The following BMP1 variants were observed in gnomAD, a reference collection of about 807,000 sequenced individuals.
BMP1 encodes the protein bone morphogenetic protein 1, also known as mammalian tolloid protein.
Under a neutral mutation model 116.8 loss-of-function variants are expected in BMP1, and 63 were observed. The ratio of observed to expected loss-of-function variants is 0.54; its 90% CI spans 0.44 to 0.67. The LOEUF is 0.67. BMP1 is among the 30% of genes least tolerant of loss of function. BMP1 has a pLI of 0.00. For synonymous variants in BMP1, 536 were observed against 533.4 expected (o/e 1.00, Z -0.07); for missense variants, 1,183 against 1,358.9 (o/e 0.87, Z 2.04).
At chr8:22,188,720 T>C (rs1040108928) in intron 8 of BMP1, among the ~76,000 whole-genome samples, 1 of 152,226 alleles carries the variant, frequency 6.6e-6, no homozygotes, top group Non-Finnish European at 1.5e-5. Context: ...TTCTTCCTCC[T>C]GAGCGATGTG....
rs1355671822 is a variant in BMP1 at position 22,165,773 on chromosome 8, C to G, written c.148+220C>G. 2.0e-5 allele frequency among the ~76,000 whole-genome samples: 3 copies of G among 152,296 alleles called. No homozygotes were observed. The East Asian group carries it at 5.8e-4, about 29-fold the overall frequency. On this transcript the variant is annotated intron_variant, in intron 1 of 19. Transcript: ENST00000306385. ...GGTGGAAGCTGCTGCCGCTGCCTCT[C>G]ATCTTCCCAGAGGATTCCAGAGGAA... is the stretch of plus-strand genomic sequence containing the variant.
intron 16 of BMP1, among the ~76,000 whole-genome samples, chr8:22,204,721 C>T (rs1829321049): frequency 7.0e-6 from 1 of 142,722 alleles, no homozygotes; most frequent in Non-Finnish European, 1.5e-5. Flanking sequence ...AGACCCTGTC[C>T]CCCCCCACCC....
At chr8:22,166,997 T>A (rs1158385638) in intron 1 of BMP1, among the ~76,000 whole-genome samples, 1 of 152,166 alleles carries the variant, frequency 6.6e-6, no homozygotes, top group Non-Finnish European at 1.5e-5. Flanking sequence ...ACCTGTAAAA[T>A]GGAACTGATC....
chr8:22,181,678 G>C (rs1187517800), intron 8 of BMP1, among the ~76,000 whole-genome samples: 2 of 151,994 alleles, frequency 1.3e-5, no homozygotes, highest in Non-Finnish European at 2.9e-5. Context: ...TCAGCCTCTG[G>C]AGTAGCTGGG....
At chr8:22,176,759 C>T in intron 4 of BMP1, 109 bp downstream of exon 4, 1 of 1,251,140 alleles carries the variant, frequency 8.0e-7, no homozygotes, top group Non-Finnish European at 1.2e-6. Context: ...TCCCTTTATC[C>T]CCTCCTGCTA....
At chr8:22,177,284 G>C (rs1828474252) in intron 5 of BMP1, 145 bp downstream of exon 5, 1 of 874,714 alleles carries the variant, frequency 1.1e-6, no homozygotes, top group Non-Finnish European at 1.7e-6. Context: ...GGTTGAGCCA[G>C]CCCCTGCCCT....
rs1157870499 is a variant in BMP1, at chr8:22,176,981, G to A, written c.572G>A (p.Arg191His). 1 of 1,611,532 alleles carries A rather than the reference G, an allele frequency of 6.2e-7. No individual in the cohort carries two copies. The highest frequency in any genetic ancestry group is 1.7e-5 in the Admixed American group (1 of 59,886). Residue 191 changes from arginine to histidine, a missense_variant, in exon 5 of 20, where the codon CGC becomes CAC. By Grantham distance (29) the Arg-to-His change is conservative. Around this residue, in one of 4 missense-constraint regions of BMP1, gnomAD observed 956 missense variants for 1,135.2 expected, o/e 0.84. Transcript: ENST00000306385. ...RPCGCCSYVGRRGGGPQAISI... is the reference protein window; with the variant it reads ...RPCGCCSYVGHRGGGPQAISI... Reference sequence around the variant, plus strand: ...TCCAGGTGCTGCTCCTACGTGGGTCGCCGCGGCGGGGGCCCCCAGGCCATC... The same window carrying A: ...TCCAGGTGCTGCTCCTACGTGGGTCACCGCGGCGGGGGCCCCCAGGCCATC...
chr8:22,176,776 A>G (rs1828449026), intron 4 of BMP1, 126 bp downstream of exon 4: 4 of 1,128,682 alleles, frequency 3.5e-6, no homozygotes, highest in East Asian at 2.4e-5. Context: ...GCTATGGGGC[A>G]TCTACCCAGG....
Position 22,207,310 on chromosome 8 carries a change from T to A in BMP1, c.2369T>A (p.Met790Lys), listed in dbSNP as rs745637021. 6.2e-6 allele frequency: 10 copies of A among 1,611,772 alleles called. No homozygotes were observed. Among genetic ancestry groups the A allele is most frequent in the Non-Finnish European group, 8.5e-6 (10 of 1,177,912 alleles). ...CCTTCCTCATCCCCCTAGACCTTCA[T>A]GGAGATGGACATCGAGTCCCAGCCT... ...TPGHRVKLTF[M>K]EMDIESQPEC... Residue 790 changes from methionine (M) to lysine (K), a missense_variant, in exon 18 of 20, where the codon ATG becomes AAG. Coordinates refer to ENST00000306385, the MANE Select transcript of BMP1 (RefSeq NM_006129.5).
At chr8:22,180,811 C>T (rs1316398192) in intron 8 of BMP1, among the ~76,000 whole-genome samples, 1 of 152,192 alleles carries the variant, frequency 6.6e-6, no homozygotes, top group Non-Finnish European at 1.5e-5. Context: ...CTTTATTTTA[C>T]AGATGAGGAA....
At position 22,194,140 on chromosome 8, in the gene BMP1, T is replaced by C. The variant is rs138090330; in HGVS notation, c.1263T>C (p.Asn421=). The part of the protein sequence containing the change: ...RLWVEFRSSS[N]WVGKGFFAVY... ...GGGTTGAATTCCGCAGCAGCAGCAATTGGGTTGGAAAGGGCTTCTTTGCAG... is the reference window on the plus strand; with the variant it reads ...GGGTTGAATTCCGCAGCAGCAGCAACTGGGTTGGAAAGGGCTTCTTTGCAG... The change falls in exon 10 of 20, where the codon AAT becomes AAC. Residue 421 remains asparagine, a synonymous_variant. Transcript: ENST00000306385. This position sits in a 1 kb window ranked among gnomAD's most constrained non-coding sequence, Gnocchi z 4.5. 75 of 1,613,776 alleles carry C rather than the reference T, an allele frequency of 4.6e-5. No individual in the cohort carries two copies. The highest frequency in any genetic ancestry group is 1.6e-4 in the Middle Eastern group (1 of 6,084).
In BMP1 at chr8:22,211,752, A is replaced by C; in HGVS notation, c.*24A>C. The C allele has an allele frequency of 6.2e-7, 1 of 1,613,974 alleles. No homozygotes were observed. The highest frequency in any genetic ancestry group is 1.3e-5 in the African/African-American group (1 of 75,032). On this transcript the variant is annotated 3_prime_UTR_variant, in exon 20 of 20. Transcript: ENST00000306385. ...GACCACTGCCTGAGCAGGGGCGGGG[A>C]CTGGAGCCTGCTGCCCTTGGTCGCC...
intron 5 of BMP1, 101 bp downstream of exon 5, chr8:22,177,240 C>A: frequency 7.8e-7 from 1 of 1,277,802 alleles, no homozygotes; most frequent in South Asian, 1.4e-5. Flanking sequence ...AGCCAGCCGT[C>A]ATCGCCTGGG....
intron 1 of BMP1, chr8:22,170,965 G>A (rs909796204): frequency 6.6e-6 from 1 of 152,168 alleles, no homozygotes; most frequent in Non-Finnish European, 1.5e-5. Flanking sequence ...AAGCCTAAGT[G>A]TGGAGGCATT....
At chr8:22,180,647 C>T (rs775509109) in intron 8 of BMP1, among the ~76,000 whole-genome samples, 164 bp downstream of exon 8, 3 of 152,224 alleles carry the variant, frequency 2.0e-5, no homozygotes, top group Non-Finnish European at 4.4e-5. Flanking sequence ...GGAAGGGGCT[C>T]CTGGCATTCA....
intron 2 of BMP1, 73 bp from the exon 3 acceptor site, chr8:22,176,070 A>C: frequency 6.7e-7 from 1 of 1,491,022 alleles, no homozygotes; most frequent in South Asian, 1.2e-5. Flanking sequence ...TCCATGAAAA[A>C]TGAGGTTTGA....
chr8:22,188,025 G>A (rs1397171191), intron 8 of BMP1, among the ~76,000 whole-genome samples: 1 of 152,142 alleles, frequency 6.6e-6, no homozygotes, highest in Non-Finnish European at 1.5e-5. Flanking sequence ...GTGGCCAGAA[G>A]AGAGGTGTCC....
chr8:22,210,923 G>T (rs755930169), intron 19 of BMP1, among the ~76,000 whole-genome samples: 1 of 152,250 alleles, frequency 6.6e-6, no homozygotes, highest in Non-Finnish European at 1.5e-5. Flanking sequence ...TCTCAGAAAT[G>T]ATTTCTTCTG....
chr8:22,197,674 C>G, intron 15 of BMP1, among the ~76,000 whole-genome samples: 1 of 152,208 alleles, frequency 6.6e-6, no homozygotes, highest in South Asian at 2.1e-4. Flanking sequence ...CAGAAATCAG[C>G]ACCCAGAAGT....
Sources: gnomAD v4.1 joint callset for allele counts (sites outside exome capture counted in the v4.1 genomes callset) on GRCh38, gnomAD v4.1.1 for gene constraint, gnomAD v4.1.1 regional missense constraint, Gnocchi (gnomAD v3.1) non-coding constraint, MANE v1.5 for transcripts, NCBI Gene and HGNC (gene_info 2026-07-23, HGNC 2026-07-21) for gene names.